Variants in KHDRBS2 observed in about 807,000 individuals in gnomAD.
KHDRBS2 encodes the protein KH domain-containing, RNA-binding, signal transduction-associated protein 2.
KHDRBS2 carries 26 observed loss-of-function variants against 44.3 expected under a neutral mutation model. That is an observed-to-expected ratio of 0.59 (90% CI 0.43 to 0.81). The LOEUF is 0.81. Ranked by LOEUF, KHDRBS2 falls within the 40% of genes least tolerant of loss-of-function variation. The pLI is 0.00. For missense variants in KHDRBS2, 476 were observed against 433.1 expected, an observed-to-expected ratio of 1.10 and a Z score of -0.88; for synonymous variants, 194 against 151.1, an observed-to-expected ratio of 1.28 and a Z score of -2.08.
At chr6:62,229,274 G>A (rs748936442) in intron 1 of KHDRBS2, among the ~76,000 whole-genome samples, 1 of 152,130 alleles carries the variant, frequency 6.6e-6, no homozygotes, top group East Asian at 1.9e-4. Flanking sequence ...GGCCTGAAGG[G>A]GCACTCGGTC....
intron 2 of KHDRBS2, among the ~76,000 whole-genome samples, chr6:62,049,720 G>A (rs1040672317): frequency 3.9e-5 from 6 of 151,966 alleles, no homozygotes; most frequent in Admixed American, 2.0e-4. Context: ...TCTGTAGGTT[G>A]CCTGTTCATT....
intron 6 of KHDRBS2, chr6:61,816,963 A>AT (rs1562238858): frequency 2.2e-6 from 1 of 455,778 alleles, no homozygotes; most frequent in Non-Finnish European, 4.4e-6. Context: ...ACCTGGTGAG[A>AT]TTTTGCCACC....
chr6:61,945,107 A>ATATGTATATGT (rs1562490070), intron 4 of KHDRBS2, among the ~76,000 whole-genome samples: 1 of 37,402 alleles, frequency 2.7e-5, no homozygotes, highest in Non-Finnish European at 5.4e-5. Flanking sequence ...AAAAAAAAAA[A>ATATGTATATGT]AAAAAGTATA....
chr6:61,893,462 C>A (rs192831266), intron 6 of KHDRBS2, among the ~76,000 whole-genome samples: 2 of 152,082 alleles, frequency 1.3e-5, no homozygotes, highest in African/African-American at 2.4e-5. Flanking sequence ...ATGTTTATTG[C>A]GACACTATTC....
At chr6:61,871,845 A>T (rs561926167) in intron 6 of KHDRBS2, among the ~76,000 whole-genome samples, 1 of 151,914 alleles carries the variant, frequency 6.6e-6, no homozygotes, top group East Asian at 1.9e-4. Flanking sequence ...TACAAGAGCT[A>T]CTGAAAGAAG....
chr6:61,879,298 G>T (rs1457526086), intron 6 of KHDRBS2, among the ~76,000 whole-genome samples: 4 of 151,890 alleles, frequency 2.6e-5, no homozygotes, highest in Admixed American at 1.3e-4. Context: ...ATCTAACAAT[G>T]AAGTCTGGAG....
intron 3 of KHDRBS2, among the ~76,000 whole-genome samples, chr6:62,020,706 C>T (rs1386074218): frequency 6.6e-6 from 1 of 152,024 alleles, no homozygotes; most frequent in Non-Finnish European, 1.5e-5. Flanking sequence ...AACCTTGATA[C>T]TATTCTTTTA....
At chr6:62,074,121 C>T (rs1795858496) in intron 2 of KHDRBS2, among the ~76,000 whole-genome samples, 1 of 151,786 alleles carries the variant, frequency 6.6e-6, no homozygotes, top group African/African-American at 2.4e-5. Flanking sequence ...ATTCCCCAAA[C>T]CACACATAAA....
At chr6:62,118,560 C>CAAAATATT (rs1453595304) in intron 2 of KHDRBS2, among the ~76,000 whole-genome samples, 3 of 152,038 alleles carry the variant, frequency 2.0e-5, no homozygotes, top group Non-Finnish European at 4.4e-5. Context: ...GTGAAGGATA[C>CAAAATATT]AAAATATTGT....
chr6:61,947,656 G>T (rs1455851216), intron 4 of KHDRBS2, among the ~76,000 whole-genome samples: 2 of 151,730 alleles, frequency 1.3e-5, no homozygotes, highest in Non-Finnish European at 2.9e-5. Flanking sequence ...TTTGAAAAGG[G>T]TTTTAAATAA....
At chr6:61,918,388 A>T (rs1807418424) in intron 4 of KHDRBS2, among the ~76,000 whole-genome samples, 2 of 151,854 alleles carry the variant, frequency 1.3e-5, no homozygotes, top group Admixed American at 6.6e-5. Context: ...CTAACCACTC[A>T]TGTGATATTA....
the KHDRBS2 span, among the ~76,000 whole-genome samples, chr6:61,579,873 C>T: frequency 8.9e-6 from 1 of 112,412 alleles, no homozygotes; most frequent in Admixed American, 9.2e-5. Flanking sequence ...CCCTGACCAA[C>T]ATGGAGAAAC....
rs193054635 is a variant in KHDRBS2 at position 61,875,995 on chromosome 6, A to C, written c.810+18640T>G. On this transcript the variant is annotated intron_variant, in intron 6 of 8. Transcript: ENST00000281156. ...GGTATACTCCTCTCATATTTAAAAC[A>C]ATGTCATAGAAAAAGACATTATTTA... Among the ~76,000 whole-genome samples, 17 of 152,214 alleles carry C rather than the reference A, an allele frequency of 1.1e-4. No homozygotes were observed. The East Asian group carries it at 2.9e-3, about 26-fold the overall frequency.
the KHDRBS2 span, among the ~76,000 whole-genome samples, chr6:61,608,127 C>A: frequency 1.3e-5 from 2 of 152,122 alleles, no homozygotes; most frequent in Admixed American, 6.6e-5. Flanking sequence ...GACAAGAATT[C>A]TAAGAATAGC....
intron 4 of KHDRBS2, among the ~76,000 whole-genome samples, chr6:61,932,187 C>T (rs1360692129): frequency 6.6e-6 from 1 of 152,014 alleles, no homozygotes; most frequent in Non-Finnish European, 1.5e-5. Context: ...CCCCTAAGCC[C>T]CTATGTTGTT....
chr6:61,631,305 CAAAAAAAAAAAAAAAAAAAA>C, the KHDRBS2 span, among the ~76,000 whole-genome samples: 2 of 66,974 alleles, frequency 3.0e-5, no homozygotes, highest in Non-Finnish European at 5.3e-5. Context: ...ACGAATAAGC[CAAAAAAAAAAAAAAAAAAAA>C]AAAAAAAAAA....
At chr6:62,087,838 G>A (rs780435347) in intron 2 of KHDRBS2, among the ~76,000 whole-genome samples, 1 of 152,140 alleles carries the variant, frequency 6.6e-6, no homozygotes, top group Non-Finnish European at 1.5e-5. Context: ...CCAATCAAAT[G>A]TAGGTTTAGT....
At chr6:61,917,171 T>C (rs1289110062) in intron 4 of KHDRBS2, among the ~76,000 whole-genome samples, 3 of 151,680 alleles carry the variant, frequency 2.0e-5, no homozygotes, top group Admixed American at 6.6e-5. Context: ...TGATTCATAA[T>C]TGCCAAAACT....
Position 62,105,817 on chromosome 6 carries a change from T to C in KHDRBS2, c.220-57823A>G, listed in dbSNP as rs533265396. Among the ~76,000 whole-genome samples, 16 of 152,320 alleles carry C rather than the reference T, an allele frequency of 1.1e-4. No homozygotes were observed. The East Asian group carries it at 2.7e-3, about 26-fold the overall frequency. On this transcript the variant is annotated intron_variant, in intron 2 of 8. Transcript: ENST00000281156. ...ATTTTAGTTATTTTTTGCCTTCTGC[T>C]AGCTTTTGAATGTGTTTGCTCTTGC...
Sources: gnomAD v4.1 joint callset for allele counts (sites outside exome capture counted in the v4.1 genomes callset) on GRCh38, gnomAD v4.1.1 for gene constraint, MANE v1.5 for transcripts, NCBI Gene and HGNC (gene_info 2026-07-23, HGNC 2026-07-21) for gene names.